The following MYT1L variants were observed in gnomAD, a reference collection of about 807,000 sequenced individuals.
MYT1L encodes the protein myelin transcription factor 1 like.
A neutral mutation model predicts 126.7 loss-of-function variants in MYT1L; 12 were observed. The ratio of observed to expected loss-of-function variants is 0.09; its 90% confidence interval spans 0.06 to 0.15. The LOEUF (loss-of-function observed/expected upper bound fraction) is 0.15. Ranked by LOEUF, MYT1L falls within the 10% of genes least tolerant of loss-of-function variation. MYT1L has a pLI of 1.00. For missense variants in MYT1L, 979 were observed against 1,585.2 expected, an observed-to-expected ratio of 0.62 and a Z score of 6.49; for synonymous variants, 541 against 604.2, an observed-to-expected ratio of 0.90 and a Z score of 1.53.
intron 19 of MYT1L, chr2:1,841,696 G>A (rs1174269311): frequency 6.6e-6 from 1 of 152,180 alleles, no homozygotes; most frequent in Non-Finnish European, 1.5e-5. Flanking sequence ...AGCGCACACG[G>A]ATGCGTGCAT....
chr2:2,232,737 A>G (rs1341980203), intron 2 of MYT1L, among the ~76,000 whole-genome samples: 1 of 152,324 alleles, frequency 6.6e-6, no homozygotes, highest in East Asian at 1.9e-4. Context: ...GATGATATAC[A>G]TTTGAAACAG....
chr2:2,246,681 CCAG>C (rs2094542155), intron 2 of MYT1L, among the ~76,000 whole-genome samples: 1 of 152,082 alleles, frequency 6.6e-6, no homozygotes, highest in African/African-American at 2.4e-5. Context: ...TGAAAATCAT[CCAG>C]AAGAAGGCAT....
chr2:2,173,079 C>T (rs2090289243), intron 2 of MYT1L, 91 bp from the exon 3 acceptor site: 1 of 152,232 alleles, frequency 6.6e-6, no homozygotes, highest in African/African-American at 2.4e-5. Flanking sequence ...GTGACACTCA[C>T]AACAGCTACA....
chr2:1,916,821 TCTC>T (rs1443960644), intron 11 of MYT1L, among the ~76,000 whole-genome samples: 3 of 152,222 alleles, frequency 2.0e-5, no homozygotes, highest in African/African-American at 7.2e-5. Flanking sequence ...TCAAGGCCTC[TCTC>T]CTCTGGGATT....
At position 1,917,591 on chromosome 2, in the gene MYT1L, T is replaced by A. The variant is rs113894110; in HGVS notation, c.1484-252A>T. On this transcript the variant is annotated intron_variant, in intron 10 of 24. Coordinates refer to ENST00000647738, the MANE Select transcript of MYT1L (RefSeq NM_001303052.2). This position sits in a 1 kb window ranked among gnomAD's most constrained non-coding sequence, Gnocchi z 5.9. ...AGAAAAGAAAAGCCTACCCCTCACC[T>A]TAACTCTGATTCATTATTTTCCCGT... 2.9e-3 allele frequency among the ~76,000 whole-genome samples: 447 copies of A among 152,312 alleles called. 4 individuals are homozygous for A. The highest frequency in any genetic ancestry group is 5.4e-3 in the Admixed American group (82 of 15,300).
intron 3 of MYT1L, among the ~76,000 whole-genome samples, chr2:2,140,906 G>A (rs1425056925): frequency 7.2e-5 from 11 of 152,144 alleles, no homozygotes; most frequent in Admixed American, 2.6e-4. Flanking sequence ...TTGATTGTTC[G>A]GAATTAGGCA....
At chr2:1,895,084 C>G (rs2049410529) in intron 14 of MYT1L, among the ~76,000 whole-genome samples, 1 of 152,194 alleles carries the variant, frequency 6.6e-6, no homozygotes, top group Non-Finnish European at 1.5e-5. Context: ...CACCATCAAT[C>G]AAGCAGGCAA....
Position 2,277,825 on chromosome 2 carries a change from T to G in MYT1L, c.-421+6579A>C, listed in dbSNP as rs17039503. Among the ~76,000 whole-genome samples, 674 of 152,278 alleles carry G rather than the reference T, an allele frequency of 4.4e-3. 2 individuals are homozygous for G. Among genetic ancestry groups the G allele is most frequent in the African/African-American group, 0.015 (641 of 41,580 alleles). On this transcript the variant is annotated intron_variant, in intron 2 of 24. Coordinates refer to ENST00000647738, the MANE Select transcript of MYT1L (RefSeq NM_001303052.2). ...GAAAAAATACCCACGATACAGCCAG[T>G]GTTATGGCTAAGCTACCTAATCAAT... is the stretch of plus-strand genomic sequence containing the variant.
chr2:2,115,679 T>G (rs2080111451), intron 3 of MYT1L, among the ~76,000 whole-genome samples: 2 of 152,244 alleles, frequency 1.3e-5, no homozygotes, highest in African/African-American at 4.8e-5. Context: ...CCTGCCTTTC[T>G]GTGGCTCGGT....
At chr2:2,068,971 T>C (rs866772221) in intron 3 of MYT1L, among the ~76,000 whole-genome samples, 1 of 152,012 alleles carries the variant, frequency 6.6e-6, no homozygotes, top group Non-Finnish European at 1.5e-5. Context: ...TCTGTGGCTA[T>C]TGGGGTTAGC....
chr2:2,277,994 G>T (rs914319555), intron 2 of MYT1L, among the ~76,000 whole-genome samples: 2 of 152,160 alleles, frequency 1.3e-5, no homozygotes, highest in Non-Finnish European at 2.9e-5. Flanking sequence ...GCTTTTGGTT[G>T]CAAAATAGAA....
At chr2:2,196,579 ATATT>A in intron 2 of MYT1L, among the ~76,000 whole-genome samples, 1 of 151,628 alleles carries the variant, frequency 6.6e-6, no homozygotes, top group Non-Finnish European at 1.5e-5. Flanking sequence ...AACATATTTA[ATATT>A]TATAAAACCT....
At chr2:2,161,371 T>C (rs2087890334) in intron 3 of MYT1L, among the ~76,000 whole-genome samples, 1 of 152,250 alleles carries the variant, frequency 6.6e-6, no homozygotes, top group African/African-American at 2.4e-5. Context: ...TTTAGGAATT[T>C]ATGCTAAATT....
intron 8 of MYT1L, among the ~76,000 whole-genome samples, chr2:1,977,897 C>T (rs1360560634): frequency 1.3e-5 from 2 of 152,110 alleles, no homozygotes; most frequent in Non-Finnish European, 2.9e-5. Flanking sequence ...TTTAAGTAAA[C>T]TACTTATTTC....
chr2:2,033,729 T>C (rs911318110), intron 4 of MYT1L, among the ~76,000 whole-genome samples: 20 of 152,188 alleles, frequency 1.3e-4, no homozygotes, highest in East Asian at 1.9e-4. Context: ...GGGACGGTGA[T>C]TGGCAATCCC....
rs111971326 is a variant in MYT1L, at chr2:2,186,031, C to A, written c.-420-13043G>T. 2.1e-3 allele frequency among the ~76,000 whole-genome samples: 230 copies of A among 109,600 alleles called. 4 individuals carry two copies. The highest frequency in any genetic ancestry group is 7.5e-3 in the Middle Eastern group (1 of 134). The allele number at this position is 109,600 out of a possible 152,430, so 71.9% of individuals were successfully genotyped here. A position where few individuals can be genotyped will look rare whatever the true frequency, so the allele number is the denominator to read the frequency against. On this transcript the variant is annotated intron_variant, in intron 2 of 24. Coordinates refer to ENST00000647738, the MANE Select transcript of MYT1L (RefSeq NM_001303052.2). ...GGCCTTCCCGAGTCCCGCGTTCCTT[C>A]CGTGAGGCGGACGCAGCCGGGCCTC...
In MYT1L at chr2:2,203,212, A is replaced by C. The variant is rs573220306; in HGVS notation, c.-420-30224T>G. On this transcript the variant is annotated intron_variant, in intron 2 of 24. Transcript: ENST00000647738. The stretch of plus-strand genomic sequence containing the variant: ...AAGCATTCCCTTTGAAAACTGGCAC[A>C]AGACAGGGATGCCCTCTCTCACCAC... Among the ~76,000 whole-genome samples, 955 of 147,936 alleles carry C rather than the reference A, an allele frequency of 6.5e-3. 14 individuals are homozygous for C. The highest frequency in any genetic ancestry group is 0.023 in the African/African-American group (909 of 39,462).
At chr2:1,835,502 C>T (rs2040758136) in intron 21 of MYT1L, among the ~76,000 whole-genome samples, 1 of 152,216 alleles carries the variant, frequency 6.6e-6, no homozygotes, top group Non-Finnish European at 1.5e-5. Flanking sequence ...ATACCTAACA[C>T]TACTGAACCA....
Position 1,790,277 on chromosome 2 carries a change from C to G in MYT1L, c.*1590G>C, listed in dbSNP as rs1387798897. 1 of 151,824 alleles carries G rather than the reference C, an allele frequency of 6.6e-6. No homozygotes were observed. Among genetic ancestry groups the G allele is most frequent in the Non-Finnish European group, 1.5e-5 (1 of 67,998 alleles). The allele number at this position is 151,824 out of a possible 1,614,324, so 9.4% of individuals were successfully genotyped here. ...TATTTCATAACAAAAATTTAAAGTACGTCTGTACTTCCTGCATAACATCAA... is the reference window on the plus strand; with the variant it reads ...TATTTCATAACAAAAATTTAAAGTAGGTCTGTACTTCCTGCATAACATCAA... On this transcript the variant is annotated 3_prime_UTR_variant, in exon 25 of 25. Transcript: ENST00000647738.
Sources: gnomAD v4.1 joint callset for allele counts (sites outside exome capture counted in the v4.1 genomes callset) on GRCh38, gnomAD v4.1.1 for gene constraint, Gnocchi (gnomAD v3.1) non-coding constraint, MANE v1.5 for transcripts, NCBI Gene and HGNC (gene_info 2026-07-23, HGNC 2026-07-21) for gene names.